Variants in PRH1 observed in about 807,000 individuals in gnomAD.
PRH1 encodes salivary acidic proline-rich phosphoprotein 1/2.
Under a neutral mutation model 7.9 loss-of-function variants are expected in PRH1, and 7 were observed. That is an observed-to-expected ratio of 0.89 (90% confidence interval 0.50 to 1.67). PRH1 has a LOEUF of 1.67. Among genes scored for constraint, PRH1 ranks in the 40% most tolerant of loss-of-function variants. The pLI, the probability that PRH1 is intolerant of heterozygous loss-of-function variation, is 0.00. For synonymous variants in PRH1, 45 were observed against 80.8 expected (o/e 0.56, Z 2.38); for missense variants, 109 against 223.6 (o/e 0.49, Z 3.27).
At chr12:11,083,415 C>A (rs1362063919) in intron 1 of PRH1, among the ~76,000 whole-genome samples, 1 of 151,762 alleles carries the variant, frequency 6.6e-6, no homozygotes, top group Non-Finnish European at 1.5e-5. Flanking sequence ...CTTCTTTATT[C>A]AGCAAAAATT....
chr12:11,056,652 C>G (rs1943373143), intron 1 of PRH1, among the ~76,000 whole-genome samples: 1 of 152,046 alleles, frequency 6.6e-6, no homozygotes, highest in Non-Finnish European at 1.5e-5. Flanking sequence ...ACTCTATATC[C>G]ACTAGAAATG....
intron 1 of PRH1, among the ~76,000 whole-genome samples, chr12:11,084,132 A>C (rs1944596557): frequency 7.3e-6 from 1 of 137,256 alleles, no homozygotes; most frequent in African/African-American, 2.6e-5. Flanking sequence ...AGGACACAGA[A>C]ACAGGAACTG....
chr12:11,145,049 A>G (rs1358484220), intron 1 of PRH1, among the ~76,000 whole-genome samples: 1 of 152,200 alleles, frequency 6.6e-6, no homozygotes, highest in Non-Finnish European at 1.5e-5. Context: ...AAAATTCACA[A>G]TACAAGCATC....
intron 2 of PRH1, chr12:10,938,376 A>G (rs974966132): frequency 3.7e-6 from 6 of 1,614,088 alleles, no homozygotes; most frequent in Non-Finnish European, 5.1e-6. Flanking sequence ...ATCAGAACAC[A>G]TGAGTGACAT....
intron 2 of PRH1, among the ~76,000 whole-genome samples, chr12:10,934,552 T>C (rs1419180182): frequency 6.6e-6 from 1 of 152,112 alleles, no homozygotes; most frequent in Non-Finnish European, 1.5e-5. Context: ...ACGCTGACAA[T>C]TTCTTCATCT....
intron 2 of PRH1, chr12:10,891,691 T>C (rs1433447678): frequency 6.6e-6 from 1 of 152,208 alleles, no homozygotes; most frequent in African/African-American, 2.4e-5. Context: ...GGTTTATTAT[T>C]CACTGAAGTA....
At chr12:11,075,913 A>C (rs1292138479) in intron 1 of PRH1, among the ~76,000 whole-genome samples, 1 of 119,430 alleles carries the variant, frequency 8.4e-6, no homozygotes, top group Non-Finnish European at 2.0e-5. Flanking sequence ...TTTTTGACCA[A>C]CTATTCTTTG....
intron 1 of PRH1, among the ~76,000 whole-genome samples, chr12:11,065,911 C>T (rs1421601710): frequency 1.3e-5 from 2 of 152,162 alleles, no homozygotes; most frequent in Admixed American, 1.3e-4. Flanking sequence ...TCACCACAAA[C>T]TCTCCTCACA....
intron 1 of PRH1, among the ~76,000 whole-genome samples, chr12:10,990,331 A>G (rs1939872462): frequency 6.6e-6 from 1 of 152,206 alleles, no homozygotes; most frequent in Non-Finnish European, 1.5e-5. Flanking sequence ...GGAGGCCTCA[A>G]TGATTCAGTG....
intron 1 of PRH1, among the ~76,000 whole-genome samples, chr12:11,031,817 G>A (rs1267560982): frequency 6.6e-6 from 1 of 152,128 alleles, no homozygotes; most frequent in Non-Finnish European, 1.5e-5. Flanking sequence ...CTACAGAAAC[G>A]TTCTCCAAGT....
downstream of PRH1, among the ~76,000 whole-genome samples, chr12:11,120,467 T>C (rs1945863319): frequency 6.6e-6 from 1 of 152,140 alleles, no homozygotes; most frequent in Non-Finnish European, 1.5e-5. Context: ...CTAAACTCAG[T>C]CCTCTGTTAC....
intron 1 of PRH1, among the ~76,000 whole-genome samples, chr12:11,107,381 A>T (rs1945454350): frequency 6.6e-6 from 1 of 152,200 alleles, no homozygotes; most frequent in Non-Finnish European, 1.5e-5. Context: ...AAGAGAAATA[A>T]AAGGCCAAAA....
upstream of PRH1, chr12:11,049,161 GAC>G: frequency 2.1e-6 from 2 of 958,172 alleles, no homozygotes; most frequent in Non-Finnish European, 2.8e-6. Context: ...CCCACTCAAG[GAC>G]ACCTACTAGA....
chr12:10,925,742 A>G (rs1209050755), intron 2 of PRH1, among the ~76,000 whole-genome samples: 1 of 152,198 alleles, frequency 6.6e-6, no homozygotes, highest in African/African-American at 2.4e-5. Context: ...CTAATAACAG[A>G]ACTTATGTTT....
At chr12:10,986,446 A>T in intron 1 of PRH1, 1 of 1,614,094 alleles carries the variant, frequency 6.2e-7, no homozygotes, top group Non-Finnish European at 8.5e-7. Flanking sequence ...CAAACCAAAA[A>T]TATCAAAGTC....
chr12:11,119,446 A>G (rs1002400615), downstream of PRH1, among the ~76,000 whole-genome samples: 10 of 152,232 alleles, frequency 6.6e-5, no homozygotes, highest in South Asian at 1.9e-3. Context: ...TTTGTAACAA[A>G]AAAGAGTAAA....
chr12:11,026,757 A>G (rs1047573159), intron 1 of PRH1, among the ~76,000 whole-genome samples: 1 of 152,216 alleles, frequency 6.6e-6, no homozygotes, highest in African/African-American at 2.4e-5. Context: ...GCTTTCCAGG[A>G]TGTGCTGTCT....
At chr12:11,120,839 G>A (rs572686715) in exon 2 of PRH1, 34 of 152,828 alleles carry the variant, frequency 2.2e-4, no homozygotes, top group African/African-American at 8.2e-4. Context: ...TAGTTTTACA[G>A]CTTAGTCCAC....
intron 1 of PRH1, among the ~76,000 whole-genome samples, chr12:11,095,830 T>TAA (rs1945059026): frequency 1.7e-5 from 2 of 115,712 alleles, no homozygotes; most frequent in Non-Finnish European, 4.1e-5. Flanking sequence ...ATAATAATAA[T>TAA]TTTTCTTTTA....
Sources: allele counts gnomAD v4.1 joint callset (sites outside exome capture counted in the v4.1 genomes callset), GRCh38; gene constraint gnomAD v4.1.1; transcripts MANE v1.5; gene names NCBI Gene and HGNC (gene_info 2026-07-23, HGNC 2026-07-21).